The following CDC42SE2 variants were observed in gnomAD, a reference collection of about 807,000 sequenced individuals.
CDC42SE2 encodes the protein CDC42 small effector 2.
CDC42SE2 carries 3 observed loss-of-function variants against 11.5 expected under a neutral mutation model. That is an observed-to-expected ratio of 0.26 (90% CI 0.12 to 0.67). The LOEUF is 0.67. Among genes scored for constraint, CDC42SE2 ranks in the 30% least tolerant of loss-of-function variants. The pLI is 0.80. For synonymous variants in CDC42SE2, 33 were observed against 34.8 expected (o/e 0.95, Z 0.18); for missense variants, 82 against 106.8 (o/e 0.77, Z 1.02).
chr5:131,280,107 A>AT (rs561348983), intron 1 of CDC42SE2, among the ~76,000 whole-genome samples: 60 of 152,260 alleles, frequency 3.9e-4, no homozygotes, highest in African/African-American at 1.3e-3. Context: ...GTTTATTGGC[A>AT]TTTTTTGAGC....
chr5:131,324,961 T>G (rs1348482004), intron 2 of CDC42SE2, among the ~76,000 whole-genome samples: 1 of 152,352 alleles, frequency 6.6e-6, no homozygotes. Flanking sequence ...TGTAAATTTC[T>G]CATAGTTACT....
intron 2 of CDC42SE2, among the ~76,000 whole-genome samples, chr5:131,347,993 C>G (rs1419300907): frequency 6.6e-6 from 1 of 152,138 alleles, no homozygotes; most frequent in African/African-American, 2.4e-5. Flanking sequence ...TGGGACGTAT[C>G]TCAAAATAAT....
chr5:131,296,261 T>C (rs547239300), intron 1 of CDC42SE2, among the ~76,000 whole-genome samples: 3 of 152,304 alleles, frequency 2.0e-5, no homozygotes, highest in African/African-American at 7.2e-5. Flanking sequence ...TGGATTATAG[T>C]GAACATGATT....
intron 4 of CDC42SE2, among the ~76,000 whole-genome samples, chr5:131,389,798 GAAAT>G (rs1750594028): frequency 1.3e-5 from 2 of 152,112 alleles, no homozygotes; most frequent in African/African-American, 4.8e-5. Flanking sequence ...CTGATTCCAT[GAAAT>G]AAATACTCGA....
At chr5:131,379,860 C>G (rs1333824238) in intron 3 of CDC42SE2, among the ~76,000 whole-genome samples, 1 of 152,152 alleles carries the variant, frequency 6.6e-6, no homozygotes, top group East Asian at 1.9e-4. Flanking sequence ...GCACCATTTC[C>G]TGTTTTTCTT....
chr5:131,388,298 T>A (rs1750549336), intron 4 of CDC42SE2, among the ~76,000 whole-genome samples: 1 of 152,184 alleles, frequency 6.6e-6, no homozygotes, highest in African/African-American at 2.4e-5. Flanking sequence ...CCTGGCTGAG[T>A]AACTTTTCTT....
chr5:131,282,997 G>A (rs1412227876), intron 1 of CDC42SE2, among the ~76,000 whole-genome samples: 4 of 147,516 alleles, frequency 2.7e-5, no homozygotes, highest in South Asian at 2.1e-4. Context: ...GTGCAGTCTC[G>A]GCTCACCGCA....
chr5:131,237,327 T>C, the CDC42SE2 span, among the ~76,000 whole-genome samples: 1 of 152,228 alleles, frequency 6.6e-6, no homozygotes, highest in Non-Finnish European at 1.5e-5. Flanking sequence ...TATGCTGATG[T>C]TTGTTTTCCC....
intron 1 of CDC42SE2, among the ~76,000 whole-genome samples, chr5:131,302,265 C>T (rs1259072793): frequency 4.6e-5 from 7 of 151,922 alleles, no homozygotes; most frequent in East Asian, 1.9e-4. Context: ...CTGCAACCTC[C>T]GCCTCCCGGG....
intron 1 of CDC42SE2, among the ~76,000 whole-genome samples, chr5:131,300,802 TA>T (rs1272680878): frequency 6.6e-6 from 1 of 151,468 alleles, no homozygotes; most frequent in Non-Finnish European, 1.5e-5. Context: ...AAAAAAAAAT[TA>T]TGTTTAAAAA....
chr5:131,379,323 C>T (rs886092586), intron 3 of CDC42SE2, among the ~76,000 whole-genome samples: 4 of 152,170 alleles, frequency 2.6e-5, no homozygotes, highest in Admixed American at 2.6e-4. Context: ...GGGACCTGGC[C>T]TTCATTTGCT....
intron 1 of CDC42SE2, among the ~76,000 whole-genome samples, chr5:131,246,830 G>C (rs1457930094): frequency 7.1e-6 from 1 of 140,036 alleles, no homozygotes; most frequent in African/African-American, 2.7e-5. Context: ...CACAATCTCT[G>C]CCTCCGGGGT....
At chr5:131,353,797 A>G (rs1239741279) in intron 2 of CDC42SE2, among the ~76,000 whole-genome samples, 1 of 151,976 alleles carries the variant, frequency 6.6e-6, no homozygotes, top group Non-Finnish European at 1.5e-5. Context: ...TAGTCACAGC[A>G]TGTACTCAGG....
chr5:131,301,376 G>T (rs1214116795), intron 1 of CDC42SE2, among the ~76,000 whole-genome samples: 1 of 151,876 alleles, frequency 6.6e-6, no homozygotes, highest in Admixed American at 6.6e-5. Context: ...TGAAATGGTG[G>T]GTATGCCAAT....
chr5:131,295,241 C>G (rs1256948327), intron 1 of CDC42SE2, among the ~76,000 whole-genome samples: 1 of 151,132 alleles, frequency 6.6e-6, no homozygotes, highest in African/African-American at 2.4e-5. Flanking sequence ...TGAGTTGATG[C>G]CATTGCACTC....
At chr5:131,318,372 C>G (rs1054257663) in intron 2 of CDC42SE2, among the ~76,000 whole-genome samples, 1 of 152,112 alleles carries the variant, frequency 6.6e-6, no homozygotes, top group African/African-American at 2.4e-5. Context: ...TGCTGTATTT[C>G]ATATATATTT....
chr5:131,323,547 G>GTTTTTTTTTTTT (rs1171213231), intron 2 of CDC42SE2, among the ~76,000 whole-genome samples: 5 of 82,546 alleles, frequency 6.1e-5, no homozygotes, highest in African/African-American at 1.5e-4. Context: ...TCTCTCTCTG[G>GTTTTTTTTTTTT]TTTTTTTTTT....
chr5:131,277,602 A>T (rs567105276), intron 1 of CDC42SE2, among the ~76,000 whole-genome samples: 1 of 152,014 alleles, frequency 6.6e-6, no homozygotes, highest in African/African-American at 2.4e-5. Context: ...TGCTCACTAC[A>T]CTCTGGCCAA....
At position 131,391,187 on chromosome 5, in the gene CDC42SE2, A is replaced by ATAAT. The variant is rs1750641670; in HGVS notation, c.*98_*101dup. On this transcript the variant is annotated 3_prime_UTR_variant, in exon 5 of 5. Coordinates refer to ENST00000505065, the MANE Select transcript of CDC42SE2 (RefSeq NM_001375635.1). ...TAATAGTAAATATATGTATATATAT[A>ATAAT]TAATTTTTTAATGGTGAACTTATTG... 1 of 468,076 alleles carries ATAAT rather than the reference A, an allele frequency of 2.1e-6. No individual in the cohort carries two copies. The highest frequency in any genetic ancestry group is 3.4e-6 in the Non-Finnish European group (1 of 297,484). The allele number at this position is 468,076 out of a possible 1,614,324, so 29.0% of individuals were successfully genotyped here. A position where few individuals can be genotyped will look rare whatever the true frequency, so the allele number is the denominator to read the frequency against.
Sources: gnomAD v4.1 joint callset for allele counts (sites outside exome capture counted in the v4.1 genomes callset) on GRCh38, gnomAD v4.1.1 for gene constraint, MANE v1.5 for transcripts, NCBI Gene and HGNC (gene_info 2026-07-23, HGNC 2026-07-21) for gene names.